Variants in CCDC57 observed in about 807,000 individuals in gnomAD.
CCDC57 encodes coiled-coil domain-containing protein 57.
Under a neutral mutation model 118.9 loss-of-function variants are expected in CCDC57, and 118 were observed. The observed-to-expected ratio is 0.99, with a 90% CI of 0.86 to 1.16. The LOEUF is 1.16. Ranked by LOEUF, CCDC57 falls within the 50% of genes most tolerant of loss-of-function variation. CCDC57 has a pLI of 0.00. For missense variants in CCDC57, 1,300 were observed against 1,320.7 expected, an observed-to-expected ratio of 0.98 and a Z score of 0.24; for synonymous variants, 527 against 532.9, an observed-to-expected ratio of 0.99 and a Z score of 0.15.
At chr17:82,122,088 C>G (rs1431510205) in intron 19 of CCDC57, among the ~76,000 whole-genome samples, 1 of 152,172 alleles carries the variant, frequency 6.6e-6, no homozygotes, top group Non-Finnish European at 1.5e-5. Context: ...CCTCTTCACT[C>G]TCTCCCGGAT....
intron 19 of CCDC57, among the ~76,000 whole-genome samples, chr17:82,122,746 C>T (rs1235530927): frequency 1.3e-5 from 2 of 152,214 alleles, no homozygotes; most frequent in African/African-American, 2.4e-5. Flanking sequence ...GCCCTGCACA[C>T]GGGCACCGAG....
intron 19 of CCDC57, among the ~76,000 whole-genome samples, chr17:82,105,587 A>C (rs1242752543): frequency 2.0e-5 from 3 of 152,064 alleles, no homozygotes; most frequent in Admixed American, 2.0e-4. Flanking sequence ...CTCACCTGCT[A>C]AAGTCTCCTA....
At chr17:82,146,144 G>A (rs2040704974) in intron 16 of CCDC57, among the ~76,000 whole-genome samples, 1 of 152,238 alleles carries the variant, frequency 6.6e-6, no homozygotes, top group South Asian at 2.1e-4. Flanking sequence ...GTGGACTAGA[G>A]AAGCATCTAG....
Position 82,172,805 on chromosome 17 carries a change from A to G in CCDC57, c.1562T>C (p.Ile521Thr). 1 of 1,613,510 alleles carries G rather than the reference A, an allele frequency of 6.2e-7. No individual in the cohort carries two copies. The highest frequency in any genetic ancestry group is 8.5e-7 in the Non-Finnish European group (1 of 1,179,758). Residue 521 changes from isoleucine to threonine, a missense_variant, in exon 12 of 20, where the codon ATC (isoleucine) becomes ACC (threonine). Transcript: ENST00000665763. This position sits in a 1 kb window ranked among gnomAD's most constrained non-coding sequence, Gnocchi z 5.2. The stretch of plus-strand genomic sequence containing the variant: ...CGTGTTCTGCTCTCGGAGCCGCTGG[A>G]TCTCACTGGATGGAAAGTCTTTACT...
intron 19 of CCDC57, chr17:82,104,932 T>C (rs77718231): frequency 0.072 from 10,911 of 152,328 alleles, 720 homozygotes; most frequent in African/African-American, 0.18. Flanking sequence ...CCTGGGGGCA[T>C]GAGAACTCTG....
At chr17:82,182,205 C>T (rs2046293960) in intron 9 of CCDC57, among the ~76,000 whole-genome samples, 2 of 150,024 alleles carry the variant, frequency 1.3e-5, no homozygotes, top group Admixed American at 6.7e-5. Context: ...TTTCTACATA[C>T]ACAAGTAATA....
intron 11 of CCDC57, among the ~76,000 whole-genome samples, chr17:82,176,981 C>T (rs1303653081): frequency 6.6e-6 from 1 of 152,122 alleles, no homozygotes; most frequent in Non-Finnish European, 1.5e-5. Context: ...CATGGTGGCT[C>T]ACGCCTGTAA....
chr17:82,127,516 G>GA (rs2037650212), intron 19 of CCDC57, 176 bp downstream of exon 18: 19 of 985,446 alleles, frequency 1.9e-5, no homozygotes, highest in Non-Finnish European at 1.9e-5. Flanking sequence ...CATAACCCGG[G>GA]AAACACTCAG....
At chr17:82,139,040 C>T (rs751081451) in intron 16 of CCDC57, among the ~76,000 whole-genome samples, 5 of 152,224 alleles carry the variant, frequency 3.3e-5, no homozygotes, top group African/African-American at 4.8e-5. Context: ...TGCCTCTCCA[C>T]TGGATATTCT....
At chr17:82,168,416 GA>G (rs2044263324) in intron 13 of CCDC57, among the ~76,000 whole-genome samples, 1 of 152,172 alleles carries the variant, frequency 6.6e-6, no homozygotes, top group African/African-American at 2.4e-5. Context: ...CCAACATGGT[GA>G]AACCCTGTCT....
Position 82,115,891 on chromosome 17 carries a change from G to A in CCDC57, c.2899+11801C>T, listed in dbSNP as rs186296449. ...TGACTCACTGTAACCTCCACCCTCCGAGTTCAAGCGATTCTCCTGCCTCAG... is the reference window on the plus strand; with the variant it reads ...TGACTCACTGTAACCTCCACCCTCCAAGTTCAAGCGATTCTCCTGCCTCAG... On this transcript the variant is annotated intron_variant, in intron 19 of 19. Transcript: ENST00000665763. Among the ~76,000 whole-genome samples the A allele has an allele frequency of 5.6e-3, 753 of 134,740 alleles. 3 individuals are homozygous for A. Among genetic ancestry groups the A allele is most frequent in the Middle Eastern group, 0.014 (3 of 220 alleles). 88.4% of individuals were successfully genotyped at this position (134,740 alleles called of 152,430 possible).
chr17:82,194,802 C>T (rs1041153926), intron 5 of CCDC57, among the ~76,000 whole-genome samples: 1 of 152,266 alleles, frequency 6.6e-6, no homozygotes, highest in Non-Finnish European at 1.5e-5. Context: ...GCAAGCCACT[C>T]GCGTCCCAGC....
chr17:82,198,703 A>G (rs1314323923), intron 3 of CCDC57, among the ~76,000 whole-genome samples: 1 of 152,028 alleles, frequency 6.6e-6, no homozygotes, highest in East Asian at 1.9e-4. Context: ...AAAACCGGAA[A>G]GATCTGACCA....
intron 19 of CCDC57, among the ~76,000 whole-genome samples, chr17:82,120,762 G>C (rs1269252230): frequency 1.3e-5 from 2 of 151,832 alleles, no homozygotes; most frequent in East Asian, 3.9e-4. Flanking sequence ...TTTCTTGCTT[G>C]CTTTTTTTTT....
chr17:82,190,469 G>A (rs56069393), intron 7 of CCDC57, among the ~76,000 whole-genome samples: 42,420 of 152,024 alleles, frequency 0.28, 6,457 homozygotes, highest in African/African-American at 0.39. Context: ...GCCGAGGTGC[G>A]CGGACCACTT....
chr17:82,126,391 G>T, intron 19 of CCDC57: 1 of 980,414 alleles, frequency 1.0e-6, no homozygotes, highest in Non-Finnish European at 1.2e-6. Flanking sequence ...AAAACATGAA[G>T]AACTGGGAGA....
intron 15 of CCDC57, chr17:82,156,509 T>G (rs1474861805): frequency 6.6e-6 from 1 of 152,196 alleles, no homozygotes; most frequent in Non-Finnish European, 1.5e-5. Flanking sequence ...CTGGCTGTGC[T>G]GCCAGCTGGC....
intron 2 of CCDC57, among the ~76,000 whole-genome samples, chr17:82,204,714 C>T (rs544273074): frequency 1.3e-5 from 2 of 152,026 alleles, no homozygotes; most frequent in East Asian, 3.9e-4. Flanking sequence ...ACCCCGGAGG[C>T]GAAGCTTGCA....
intron 16 of CCDC57, among the ~76,000 whole-genome samples, chr17:82,150,394 C>G (rs551403401): frequency 6.6e-6 from 1 of 150,528 alleles, no homozygotes; most frequent in South Asian, 2.1e-4. Context: ...CAGGCGCACA[C>G]CCAGAACCAG....
Sources: allele counts gnomAD v4.1 joint callset (sites outside exome capture counted in the v4.1 genomes callset), GRCh38; gene constraint gnomAD v4.1.1; non-coding constraint Gnocchi (gnomAD v3.1); transcripts MANE v1.5; gene names NCBI Gene and HGNC (gene_info 2026-07-23, HGNC 2026-07-21).